The following LTBP2 variants were observed in gnomAD, a reference collection of about 807,000 sequenced individuals.
LTBP2 encodes latent transforming growth factor beta binding protein 2.
A neutral mutation model predicts 210.6 loss-of-function variants in LTBP2; 103 were observed. The ratio of observed to expected loss-of-function variants is 0.49; its 90% CI spans 0.42 to 0.58. The LOEUF (loss-of-function observed/expected upper bound fraction) is 0.58. Among genes scored for constraint, LTBP2 ranks in the 20% least tolerant of loss-of-function variants. The pLI is 0.00. For missense variants in LTBP2, 2,313 were observed against 2,494.5 expected (o/e 0.93, Z 1.55); for synonymous variants, 1,007 against 1,015.0 (o/e 0.99, Z 0.15).
At chr14:74,593,426 G>A (rs1402601303) in intron 2 of LTBP2, among the ~76,000 whole-genome samples, 1 of 152,192 alleles carries the variant, frequency 6.6e-6, no homozygotes, top group African/African-American at 2.4e-5. Flanking sequence ...TCATCTCGCT[G>A]AGATGTCTCC....
chr14:74,531,761 C>A (rs145489615), intron 10 of LTBP2, among the ~76,000 whole-genome samples: 1 of 152,224 alleles, frequency 6.6e-6, no homozygotes, highest in African/African-American at 2.4e-5. Flanking sequence ...TCTGGTCAGG[C>A]CTCCCGGCCC....
In LTBP2 at chr14:74,555,537, C is replaced by A. The variant is rs201070032; in HGVS notation, c.987G>T (p.Gln329His). ...PGLEQRDGTQQAVPLEHPSSP... is the reference protein window; with the variant it reads ...PGLEQRDGTQHAVPLEHPSSP... ...ATGAGGGGTGCTCCAGAGGTACCGC[C>A]TGTTGGGTGCCATCTCTCTGCTCAA... The change falls in exon 4 of 36, where the codon CAG becomes CAT. Residue 329 changes from glutamine to histidine, a missense_variant. Gln to His is a conservative substitution (Grantham distance 24). This residue lies in a region of LTBP2 where 1,867 missense variants were observed against 1,976.9 expected (regional missense o/e 0.94). Coordinates refer to ENST00000261978, the MANE Select transcript of LTBP2 (RefSeq NM_000428.3). The A allele has an allele frequency of 6.9e-5, 111 of 1,613,318 alleles. No individual in the cohort carries two copies. The highest frequency in any genetic ancestry group is 5.7e-4 in the Admixed American group (34 of 59,944).
At chr14:74,596,173 C>T (rs1248654679) in intron 2 of LTBP2, among the ~76,000 whole-genome samples, 4 of 151,418 alleles carry the variant, frequency 2.6e-5, no homozygotes, top group Non-Finnish European at 4.4e-5. Flanking sequence ...TACAGTGAGC[C>T]GAGATTGCGC....
Position 74,552,305 on chromosome 14 carries a change from G to A in LTBP2, c.1281C>T (p.Cys427=), listed in dbSNP as rs375630948. The A allele has an allele frequency of 2.5e-6, 4 of 1,613,020 alleles. No homozygotes were observed. The highest frequency in any genetic ancestry group is 2.7e-5 in the African/African-American group (2 of 74,950). ...TGTCCGGCTGCGGGATAGGCAGGTGGCAGAACTTCCCGGTGGAGTTGGCGG... is the reference window on the plus strand; with the variant it reads ...TGTCCGGCTGCGGGATAGGCAGGTGACAGAACTTCCCGGTGGAGTTGGCGG... ...WCPANSTGKF[C]HLPIPQPDRE... The change falls in exon 6 of 36, where the codon TGC becomes TGT. Residue 427 remains cysteine (C), a synonymous_variant. Transcript: ENST00000261978.
rs1017185363 is a variant in LTBP2, at chr14:74,500,886, A to G, written c.5464T>C (p.Ter1822GlnextTer31). 1.2e-6 allele frequency: 2 copies of G among 1,613,714 alleles called. No homozygotes were observed. The highest frequency in any genetic ancestry group is 1.7e-6 in the Non-Finnish European group (2 of 1,179,978). ...AGPPHCTAKE[*>Q] ...GTTGCCACACTGACCCCTGACTGCT[A>G]CTCCTTGGCAGTGCAGTGGGGGGGC... Residue 1822 changes from the stop codon to glutamine, a stop_lost, in exon 36 of 36, where the codon TAG (stop) becomes CAG (glutamine). Coordinates refer to ENST00000261978, the MANE Select transcript of LTBP2 (RefSeq NM_000428.3).
intron 8 of LTBP2, 135 bp downstream of exon 8, chr14:74,549,728 T>C (rs766391260): frequency 1.8e-4 from 142 of 785,044 alleles, no homozygotes; most frequent in Non-Finnish European, 3.1e-4. Flanking sequence ...TCAAGGCAGG[T>C]CTGGGAAGTC....
At position 74,500,669 on chromosome 14, in the gene LTBP2, A is replaced by T; in HGVS notation, c.*215T>A. The T allele has an allele frequency of 1.6e-6, 1 of 636,984 alleles. No homozygotes were observed. The highest frequency in any genetic ancestry group is 2.8e-6 in the Non-Finnish European group (1 of 357,262). 39.5% of individuals were successfully genotyped at this position (636,984 alleles called of 1,614,324 possible). A position where few individuals can be genotyped will look rare whatever the true frequency, so the allele number is the denominator to read the frequency against. On this transcript the variant is annotated 3_prime_UTR_variant, in exon 36 of 36. Coordinates refer to ENST00000261978, the MANE Select transcript of LTBP2 (RefSeq NM_000428.3). ...GGCCTCATGCGGTGGCTGAAGCATT[A>T]AAGCGATTGGTGGTGCTTGAGCCAA... is the stretch of plus-strand genomic sequence containing the variant.
intron 3 of LTBP2, among the ~76,000 whole-genome samples, chr14:74,570,124 G>A (rs1462265451): frequency 6.6e-6 from 1 of 152,106 alleles, no homozygotes; most frequent in Non-Finnish European, 1.5e-5. Context: ...AAGGGGAGGA[G>A]AGACACCTAG....
At chr14:74,567,126 C>T (rs11622806) in intron 3 of LTBP2, among the ~76,000 whole-genome samples, 2 of 152,104 alleles carry the variant, frequency 1.3e-5, no homozygotes, top group South Asian at 2.1e-4. Flanking sequence ...CTCTGCGTGT[C>T]GGGGTTAATG....
chr14:74,612,065 G>C lies in LTBP2; in HGVS notation c.-121C>G. On this transcript the variant is annotated 5_prime_UTR_variant, in exon 1 of 36. Coordinates refer to ENST00000261978, the MANE Select transcript of LTBP2 (RefSeq NM_000428.3). Reference sequence around the variant, plus strand: ...CGGCGGCCAGCTTCTCTGAGTCTAGGGGGCCCTGAAGCGGCCGACTGGGGG... The same window carrying C: ...CGGCGGCCAGCTTCTCTGAGTCTAGCGGGCCCTGAAGCGGCCGACTGGGGG... 1 of 1,183,408 alleles carries C rather than the reference G, an allele frequency of 8.5e-7. No homozygotes were observed. The highest frequency in any genetic ancestry group is 1.8e-5 in the South Asian group (1 of 56,190). The allele number at this position is 1,183,408 out of a possible 1,614,324, so 73.3% of individuals were successfully genotyped here.
chr14:74,508,181 G>A, intron 24 of LTBP2, 86 bp from the exon 25 acceptor site: 1 of 1,519,048 alleles, frequency 6.6e-7, no homozygotes, highest in South Asian at 1.2e-5. Context: ...GCCCTGAGTA[G>A]CCCATAGGAG....
At chr14:74,530,941 G>C (rs996496387) in intron 10 of LTBP2, among the ~76,000 whole-genome samples, 2 of 152,224 alleles carry the variant, frequency 1.3e-5, no homozygotes, top group Non-Finnish European at 2.9e-5. Flanking sequence ...AGGTGTGTGA[G>C]AGTGGCTTGT....
intron 3 of LTBP2, among the ~76,000 whole-genome samples, chr14:74,561,686 T>C (rs1027320937): frequency 6.6e-6 from 1 of 152,182 alleles, no homozygotes; most frequent in Admixed American, 6.5e-5. Context: ...TCAAAATAAA[T>C]CTCTATTCTT....
chr14:74,536,573 G>A (rs868177322), intron 8 of LTBP2, among the ~76,000 whole-genome samples: 1 of 152,188 alleles, frequency 6.6e-6, no homozygotes, highest in Non-Finnish European at 1.5e-5. Context: ...CCAGCCAGGC[G>A]CAGTGGCTCA....
At position 74,498,603 on chromosome 14, in the gene LTBP2, A is replaced by C; in HGVS notation, c.*2281T>G. ...TTTTAAACAAAGGAAATATGTATAT[A>C]TGCATACAATATCTCAAGGTTGGCA... On this transcript the variant is annotated 3_prime_UTR_variant, in exon 36 of 36. Transcript: ENST00000261978. 4.3e-6 allele frequency: 1 copy of C among 230,818 alleles called. No individual in the cohort carries two copies. Among genetic ancestry groups the C allele is most frequent in the Non-Finnish European group, 8.6e-6 (1 of 116,556 alleles). 14.3% of individuals were successfully genotyped at this position (230,818 alleles called of 1,614,324 possible). A position where few individuals can be genotyped will look rare whatever the true frequency, so the allele number is the denominator to read the frequency against.
At chr14:74,542,798 A>G (rs1226105440) in intron 8 of LTBP2, among the ~76,000 whole-genome samples, 1 of 142,592 alleles carries the variant, frequency 7.0e-6, no homozygotes, top group Non-Finnish European at 1.5e-5. Context: ...GATGGAGTCT[A>G]GCTCTGTCAC....
intron 3 of LTBP2, among the ~76,000 whole-genome samples, chr14:74,573,413 A>G (rs1350652294): frequency 6.6e-6 from 1 of 152,214 alleles, no homozygotes; most frequent in African/African-American, 2.4e-5. Context: ...CTTCTGGTCC[A>G]GTTCCATCAG....
At chr14:74,527,700 G>T (rs535489659) in intron 12 of LTBP2, among the ~76,000 whole-genome samples, 4 of 152,212 alleles carry the variant, frequency 2.6e-5, no homozygotes, top group Non-Finnish European at 5.9e-5. Flanking sequence ...CCATTCTGGA[G>T]TCACCTCCTT....
At chr14:74,577,582 C>T (rs2088076354) in intron 3 of LTBP2, among the ~76,000 whole-genome samples, 1 of 149,582 alleles carries the variant, frequency 6.7e-6, no homozygotes, top group Admixed American at 6.7e-5. Context: ...AATCTCAGTT[C>T]ACTGCAACCT....
Sources: gnomAD v4.1 joint callset for allele counts (sites outside exome capture counted in the v4.1 genomes callset) on GRCh38, gnomAD v4.1.1 for gene constraint, gnomAD v4.1.1 regional missense constraint, MANE v1.5 for transcripts, NCBI Gene and HGNC (gene_info 2026-07-23, HGNC 2026-07-21) for gene names.